Variants in PDE1C observed in about 807,000 individuals in gnomAD.
PDE1C encodes phosphodiesterase 1C, also known as dual specificity calcium/calmodulin-dependent 3',5'-cyclic nucleotide phosphodiesterase 1C.
In PDE1C, 62 loss-of-function variants were observed where a neutral mutation model predicts 93.1. The observed-to-expected ratio is 0.67, with a 90% CI of 0.54 to 0.82. The LOEUF (loss-of-function observed/expected upper bound fraction) is 0.82. PDE1C is among the 40% of genes least tolerant of loss of function. The probability of loss-of-function intolerance (pLI) is 0.00; values close to 1 mark genes in which losing one functional copy is unlikely to be tolerated. For missense variants in PDE1C, 742 were observed against 884.6 expected (o/e 0.84, Z 2.04); for synonymous variants, 325 against 310.1 (o/e 1.05, Z -0.50).
chr7:31,860,645 C>A (rs570404928), intron 7 of PDE1C, among the ~76,000 whole-genome samples: 1 of 152,188 alleles, frequency 6.6e-6, no homozygotes, highest in African/African-American at 2.4e-5. Flanking sequence ...GTATTTTCTC[C>A]AAATGCTTAC....
In PDE1C at chr7:32,208,717, C is replaced by CCCT. The variant is rs113787541; in HGVS notation, c.136+771_136+772insAGG. On this transcript the variant is annotated intron_variant, in intron 2 of 18. Transcript: ENST00000396193. Reference sequence around the variant, plus strand: ...CTCATCCGTCTCTAGTATTTTCCCCCCCCTTCTTTGGAATCCAGGTTTTCG... The same window carrying CCCT: ...CTCATCCGTCTCTAGTATTTTCCCCCCCTCCCTTCTTTGGAATCCAGGTTTTCG... Among the ~76,000 whole-genome samples the CCCT allele has an allele frequency of 6.9e-3, 1,056 of 152,258 alleles. 15 individuals carry two copies. The highest frequency in any genetic ancestry group is 0.024 in the African/African-American group (1,008 of 41,540).
chr7:32,320,144 G>T (rs1783258758), intron 1 of PDE1C, among the ~76,000 whole-genome samples: 1 of 152,118 alleles, frequency 6.6e-6, no homozygotes. Flanking sequence ...ATCCTTATTT[G>T]TAATAACATT....
chr7:32,341,173 CTTTTTTTT>C (rs3079623), intron 1 of PDE1C, among the ~76,000 whole-genome samples: 1 of 84,952 alleles, frequency 1.2e-5, no homozygotes, highest in African/African-American at 4.3e-5. Context: ...GAAATAAAGT[CTTTTTTTT>C]TTTTTTTTTT....
intron 1 of PDE1C, among the ~76,000 whole-genome samples, chr7:32,294,859 A>G (rs984795323): frequency 1.3e-5 from 2 of 152,224 alleles, no homozygotes; most frequent in Non-Finnish European, 2.9e-5. Context: ...TGTCATCAGG[A>G]TAATTACTTG....
the PDE1C span, among the ~76,000 whole-genome samples, chr7:31,636,519 G>C: frequency 0.82 from 124,517 of 151,982 alleles, 51,451 homozygotes; most frequent in African/African-American, 0.93. Context: ...CAATAGGTTC[G>C]AAAGTCTGTC....
chr7:32,081,228 T>C (rs536318467), intron 3 of PDE1C, among the ~76,000 whole-genome samples: 79 of 152,328 alleles, frequency 5.2e-4, no homozygotes, highest in Middle Eastern at 3.4e-3. Flanking sequence ...AATGAAAGCA[T>C]TGAAAGGAAA....
chr7:31,927,947 A>T (rs1282322976), intron 2 of PDE1C, among the ~76,000 whole-genome samples: 2 of 152,134 alleles, frequency 1.3e-5, no homozygotes, highest in African/African-American at 2.4e-5. Flanking sequence ...AGTTTGACGA[A>T]TTAACAGAAG....
chr7:32,061,682 A>G (rs1425341592), intron 1 of PDE1C, among the ~76,000 whole-genome samples: 1 of 152,210 alleles, frequency 6.6e-6, no homozygotes, highest in African/African-American at 2.4e-5. Context: ...CCCTTGGAAT[A>G]CTGGGAATGA....
At chr7:32,076,123 C>A (rs1796339116), upstream of PDE1C, among the ~76,000 whole-genome samples, 1 of 152,104 alleles carries the variant, frequency 6.6e-6, no homozygotes, top group Admixed American at 6.6e-5. Flanking sequence ...ATAGACATAA[C>A]CTAGATTGTC....
chr7:31,961,344 A>G (rs1808929779), intron 2 of PDE1C, among the ~76,000 whole-genome samples: 1 of 152,074 alleles, frequency 6.6e-6, no homozygotes, highest in African/African-American at 2.4e-5. Context: ...GATTGAGTTC[A>G]GAGTATATTG....
At chr7:32,307,608 CCTG>C (rs66984373) in intron 1 of PDE1C, among the ~76,000 whole-genome samples, 31,967 of 150,194 alleles carry the variant, frequency 0.21, 3,478 homozygotes, top group African/African-American at 0.23. Flanking sequence ...ATGGTTAAAC[CCTG>C]CTGCATGCCC....
chr7:31,738,648 T>C, the PDE1C span, among the ~76,000 whole-genome samples: 1 of 152,242 alleles, frequency 6.6e-6, no homozygotes, highest in African/African-American at 2.4e-5. Flanking sequence ...ATAATTCCCA[T>C]AGCACCAAGC....
chr7:31,973,910 G>A (rs1168246828), intron 2 of PDE1C, among the ~76,000 whole-genome samples: 1 of 152,178 alleles, frequency 6.6e-6, no homozygotes, highest in Non-Finnish European at 1.5e-5. Flanking sequence ...TAGATAAAGA[G>A]ACAAGGAATA....
At chr7:32,284,748 C>T (rs1811890209) in intron 1 of PDE1C, among the ~76,000 whole-genome samples, 1 of 152,130 alleles carries the variant, frequency 6.6e-6, no homozygotes, top group South Asian at 2.1e-4. Context: ...AATGCACATG[C>T]CAGGCTGGGC....
At chr7:31,824,329 G>A (rs563441012) in intron 13 of PDE1C, among the ~76,000 whole-genome samples, 1 of 152,124 alleles carries the variant, frequency 6.6e-6, no homozygotes, top group African/African-American at 2.4e-5. Flanking sequence ...TATAATCCAC[G>A]TTTTCTCAGA....
At chr7:31,821,879 C>T (rs1220618470) in intron 14 of PDE1C, among the ~76,000 whole-genome samples, 1 of 152,066 alleles carries the variant, frequency 6.6e-6, no homozygotes, top group East Asian at 1.9e-4. Flanking sequence ...TGGGAACCAA[C>T]ACTGCTAGAA....
At chr7:31,808,140 CT>C in intron 16 of PDE1C, 1 of 444,994 alleles carries the variant, frequency 2.2e-6, no homozygotes, top group Non-Finnish European at 4.3e-6. Context: ...CCAATTTATT[CT>C]TACTCTTCCA....
intron 1 of PDE1C, among the ~76,000 whole-genome samples, chr7:32,316,439 C>T (rs749368381): frequency 2.6e-5 from 4 of 152,204 alleles, no homozygotes; most frequent in Non-Finnish European, 4.4e-5. Flanking sequence ...AAAACTCCTG[C>T]TACCATACCA....
In PDE1C at chr7:31,920,732, T is replaced by C. The variant is rs537592296; in HGVS notation, c.129-39872A>G. Among the ~76,000 whole-genome samples, 47 of 152,276 alleles carry C rather than the reference T, an allele frequency of 3.1e-4. No individual in the cohort carries two copies. In the South Asian group the frequency reaches 9.5e-3, roughly 31 times the overall value. On this transcript the variant is annotated intron_variant, in intron 2 of 17. Transcript: ENST00000396191. ...GTATACTCCCCTGGCTCCCTCGAAG[T>C]TGATCACTGTCCTTGATTAGCTCTT...
Sources: allele counts gnomAD v4.1 joint callset (sites outside exome capture counted in the v4.1 genomes callset), GRCh38; gene constraint gnomAD v4.1.1; transcripts MANE v1.5; gene names NCBI Gene and HGNC (gene_info 2026-07-23, HGNC 2026-07-21).